The following ATAD5 variants were observed in gnomAD, a reference collection of about 807,000 sequenced individuals.
ATAD5 encodes ATPase family AAA domain containing 5.
A neutral mutation model predicts 176.9 loss-of-function variants in ATAD5; 58 were observed. The ratio of observed to expected loss-of-function variants is 0.33; its 90% CI spans 0.27 to 0.41. ATAD5 has a LOEUF of 0.41. Ranked by LOEUF, ATAD5 falls within the 10% of genes least tolerant of loss-of-function variation. The pLI, the probability that ATAD5 is intolerant of heterozygous loss-of-function variation, is 1.00. For missense variants in ATAD5, 1,789 were observed against 2,094.1 expected, an observed-to-expected ratio of 0.85 and a Z score of 2.84; for synonymous variants, 640 against 712.6, an observed-to-expected ratio of 0.90 and a Z score of 1.62.
intron 6 of ATAD5, among the ~76,000 whole-genome samples, chr17:30,854,920 G>T (rs1261651856): frequency 6.6e-6 from 1 of 151,620 alleles, no homozygotes; most frequent in Admixed American, 6.6e-5. Context: ...CACCACACCT[G>T]GCTAATTTTT....
chr17:30,867,578 A>T (rs1908074836), intron 11 of ATAD5, among the ~76,000 whole-genome samples: 2 of 152,128 alleles, frequency 1.3e-5, no homozygotes, highest in Non-Finnish European at 2.9e-5. Flanking sequence ...ATTGTATATT[A>T]GGCATCTTTC....
intron 18 of ATAD5, among the ~76,000 whole-genome samples, chr17:30,880,948 G>A (rs944774344): frequency 9.2e-5 from 14 of 151,802 alleles, no homozygotes; most frequent in African/African-American, 3.4e-4. Flanking sequence ...AGTTCTCATG[G>A]ACCCTTTCTA....
chr17:30,839,904 A>G (rs906942436), intron 3 of ATAD5, among the ~76,000 whole-genome samples: 2 of 151,940 alleles, frequency 1.3e-5, no homozygotes, highest in Admixed American at 1.3e-4. Context: ...TTTATCATAT[A>G]TAAGAAGCTT....
In ATAD5 at chr17:30,847,327, TAGAG is replaced by T. The variant is rs891308590; in HGVS notation, c.2450+2433_2450+2436del. Among the ~76,000 whole-genome samples the T allele has an allele frequency of 6.0e-5, 9 of 150,450 alleles. No individual in the cohort carries two copies. The South Asian group carries it at 6.3e-4, about 10-fold the overall frequency. On this transcript the variant is annotated intron_variant, in intron 6 of 22. Coordinates refer to ENST00000321990, the MANE Select transcript of ATAD5 (RefSeq NM_024857.5). ...ATATGAATATGCCGCTATATATATATAGAGAGAGAGAGAGAGAGAGAGAGATGGA... is the reference window on the plus strand; with the variant it reads ...ATATGAATATGCCGCTATATATATATAGAGAGAGAGAGAGAGAGAGATGGA...
chr17:30,843,229 G>C (rs946559109), intron 4 of ATAD5, among the ~76,000 whole-genome samples: 2 of 151,826 alleles, frequency 1.3e-5, no homozygotes, highest in South Asian at 2.1e-4. Context: ...GTGTGCGCCT[G>C]TAGTCCTGGC....
chr17:30,834,495 C>G lies in ATAD5; in HGVS notation c.414C>G (p.Ser138Arg). 6.3e-7 allele frequency: 1 copy of G among 1,584,376 alleles called. No individual in the cohort carries two copies. Among genetic ancestry groups the G allele is most frequent in the Non-Finnish European group, 8.5e-7 (1 of 1,170,056 alleles). ...ATGAAGCTCCAATTGAAATTAGTAG[C>G]GACGATAGCAAAGAAGACTATAGTT... ...TENEAPIEIS[S>R]DDSKEDYSLN... The change falls in exon 2 of 23, where the codon AGC becomes AGG. Residue 138 changes from serine (S) to arginine (R), a missense_variant. Coordinates refer to ENST00000321990, the MANE Select transcript of ATAD5 (RefSeq NM_024857.5).
Position 30,887,260 on chromosome 17 carries a change from T to C in ATAD5, c.4146T>C (p.Phe1382=). ...ATTTTAGAACTGATGTAAAAGACTT[T>C]GTAACCTTGTTAACTGCAAATACTT... ...TENFRTDVKD[F]VTLLTANTCD... is the part of the protein sequence containing the mutation. The change falls in exon 19 of 23, where the codon TTT becomes TTC. Residue 1382 remains phenylalanine, a synonymous_variant. Transcript: ENST00000321990. 1 of 1,608,248 alleles carries C rather than the reference T, an allele frequency of 6.2e-7. No individual in the cohort carries two copies. The highest frequency in any genetic ancestry group is 2.2e-5 in the East Asian group (1 of 44,722).
At chr17:30,850,829 AT>A (rs1181411844) in intron 6 of ATAD5, among the ~76,000 whole-genome samples, 2 of 27,886 alleles carry the variant, frequency 7.2e-5, no homozygotes, top group Non-Finnish European at 1.1e-4. Context: ...ATATTTATAT[AT>A]TTTTATATAT....
intron 14 of ATAD5, chr17:30,869,853 T>A: frequency 1.8e-6 from 1 of 547,132 alleles, no homozygotes; most frequent in Non-Finnish European, 3.1e-6. Flanking sequence ...CTCTATCTGA[T>A]AAGGACTTTT....
At chr17:30,837,169 C>T in intron 2 of ATAD5, 37 bp from the exon 3 acceptor site, 1 of 1,152,918 alleles carries the variant, frequency 8.7e-7, no homozygotes, top group Non-Finnish European at 1.2e-6. Flanking sequence ...ATGTTATAAT[C>T]ATGAAAATGT....
intron 10 of ATAD5, chr17:30,864,286 C>G (rs1475219413): frequency 6.6e-6 from 1 of 152,118 alleles, no homozygotes; most frequent in Non-Finnish European, 1.5e-5. Flanking sequence ...TTGTGAATAG[C>G]CACTGCAGTC....
At position 30,860,595 on chromosome 17, in the gene ATAD5, A is replaced by G. The variant is rs769213236; in HGVS notation, c.3119A>G (p.Lys1040Arg). ...AAAAGAAACAACTCTTCTGGGATAA[A>G]GCTAGATTCTTCCAAAGGTATATTT... ...LSKRNNSSGI[K>R]LDSSKDSGTE... is the part of the protein sequence containing the mutation. The change falls in exon 10 of 23, where the codon AAG (lysine) becomes AGG (arginine). Residue 1040 changes from lysine to arginine, a missense_variant. Lys to Arg is a conservative substitution (Grantham distance 26). Coordinates refer to ENST00000321990, the MANE Select transcript of ATAD5 (RefSeq NM_024857.5). 16 of 1,569,588 alleles carry G rather than the reference A, an allele frequency of 1.0e-5. No homozygotes were observed. The Admixed American group carries it at 2.4e-4, about 24-fold the overall frequency.
Position 30,834,485 on chromosome 17 carries a change from A to G in ATAD5, c.404A>G (p.Glu135Gly), listed in dbSNP as rs11080134. 503,667 of 1,584,380 alleles carry G rather than the reference A, an allele frequency of 0.32. 86,655 individuals carry two copies. Among genetic ancestry groups the G allele is most frequent in the Non-Finnish European group, 0.36 (419,055 of 1,169,362 alleles). The change falls in exon 2 of 23, where the codon GAA (glutamate) becomes GGA (glycine). Residue 135 changes from glutamate (E) to glycine (G), a missense_variant. Transcript: ENST00000321990. ...NIKTENEAPIEISSDDSKEDY... is the reference protein window; with the variant it reads ...NIKTENEAPIGISSDDSKEDY... ...AAAACTGAAAATGAAGCTCCAATTG[A>G]AATTAGTAGCGACGATAGCAAAGAA...
At chr17:30,894,807 A>G in intron 22 of ATAD5, 28 bp from the exon 23 acceptor site, 2 of 1,566,604 alleles carry the variant, frequency 1.3e-6, no homozygotes, top group Non-Finnish European at 1.7e-6. Flanking sequence ...TTAATATTAA[A>G]TTGTATTTTT....
chr17:30,873,668 G>GT (rs113922464), intron 14 of ATAD5, among the ~76,000 whole-genome samples: 5 of 148,858 alleles, frequency 3.4e-5, no homozygotes, highest in African/African-American at 1.2e-4. Flanking sequence ...TACTCACAGA[G>GT]TATCTTAAAA....
intron 18 of ATAD5, among the ~76,000 whole-genome samples, chr17:30,885,431 C>T (rs534383856): frequency 6.6e-6 from 1 of 152,082 alleles, no homozygotes; most frequent in Admixed American, 6.5e-5. Flanking sequence ...CCTTTTATTT[C>T]TTTTTGTTGC....
At chr17:30,877,255 T>C (rs1399661631) in intron 15 of ATAD5, among the ~76,000 whole-genome samples, 161 bp from the exon 16 acceptor site, 1 of 151,778 alleles carries the variant, frequency 6.6e-6, no homozygotes, top group Admixed American at 6.6e-5. Flanking sequence ...GTGATCCACT[T>C]GCCTCGGCCT....
At chr17:30,849,967 T>C (rs1176506641) in intron 6 of ATAD5, among the ~76,000 whole-genome samples, 1 of 152,058 alleles carries the variant, frequency 6.6e-6, no homozygotes, top group Non-Finnish European at 1.5e-5. Flanking sequence ...ACTGTGGGAC[T>C]CCATCTCTTT....
At chr17:30,832,952 T>G (rs1045883923) in intron 1 of ATAD5, among the ~76,000 whole-genome samples, 1 of 152,220 alleles carries the variant, frequency 6.6e-6, no homozygotes, top group African/African-American at 2.4e-5. Flanking sequence ...TTATCAGGTT[T>G]CAGTGACAGG....
Sources: gnomAD v4.1 joint callset for allele counts (sites outside exome capture counted in the v4.1 genomes callset) on GRCh38, gnomAD v4.1.1 for gene constraint, MANE v1.5 for transcripts, NCBI Gene and HGNC (gene_info 2026-07-23, HGNC 2026-07-21) for gene names.